The following HDLBP variants were observed in gnomAD, a reference collection of about 807,000 sequenced individuals.
HDLBP encodes high density lipoprotein binding protein.
In HDLBP, 30 loss-of-function variants were observed where a neutral mutation model predicts 137.3. The ratio of observed to expected loss-of-function variants is 0.22; its 90% CI spans 0.16 to 0.30. The LOEUF is 0.30. Ranked by LOEUF, HDLBP falls within the 10% of genes least tolerant of loss-of-function variation. The pLI is 1.00. For synonymous variants in HDLBP, 606 were observed against 596.0 expected, an observed-to-expected ratio of 1.02 and a Z score of -0.24; for missense variants, 1,119 against 1,667.3, an observed-to-expected ratio of 0.67 and a Z score of 5.73.
intron 9 of HDLBP, among the ~76,000 whole-genome samples, chr2:241,253,762 GCATGCGA>G (rs1158038666): frequency 3.9e-5 from 6 of 152,332 alleles, no homozygotes; most frequent in African/African-American, 7.2e-5. Context: ...CTAACATAAA[GCATGCGA>G]CATGCGACAT....
In HDLBP at chr2:241,235,010, A is replaced by G. The variant is rs565649938; in HGVS notation, c.3144+111T>C. 6 of 1,357,618 alleles carry G rather than the reference A, an allele frequency of 4.4e-6. No homozygotes were observed. In the South Asian group the frequency reaches 6.7e-5, roughly 15 times the overall value. The allele number at this position is 1,357,618 out of a possible 1,614,324, so 84.1% of individuals were successfully genotyped here. On this transcript the variant is annotated intron_variant, in intron 23 of 27. Transcript: ENST00000310931. Reference sequence around the variant, plus strand: ...CTGGCACTGCCTGCATCTCACCTCCAGCCAGATGTCGCTGGGATGCTGGGA... The same window carrying G: ...CTGGCACTGCCTGCATCTCACCTCCGGCCAGATGTCGCTGGGATGCTGGGA...
chr2:241,266,689 AC>A, intron 3 of HDLBP, 104 bp downstream of exon 3: 1 of 806,470 alleles, frequency 1.2e-6, no homozygotes, highest in Non-Finnish European at 2.1e-6. Context: ...CCCCACAACC[AC>A]AGGGCCAAAA....
chr2:241,287,500 A>C (rs2074863582), intron 1 of HDLBP, among the ~76,000 whole-genome samples: 1 of 150,152 alleles, frequency 6.7e-6, no homozygotes, highest in African/African-American at 2.5e-5. Flanking sequence ...AGCTCACTGC[A>C]ACCTCTGCCT....
chr2:241,299,641 C>T (rs561499756), intron 1 of HDLBP, among the ~76,000 whole-genome samples: 37 of 151,854 alleles, frequency 2.4e-4, no homozygotes, highest in African/African-American at 5.6e-4. Flanking sequence ...TTGGGCGGGG[C>T]GCGGTGGCTC....
At chr2:241,236,083 CCTG>C in intron 21 of HDLBP, 1 of 190,394 alleles carries the variant, frequency 5.3e-6, no homozygotes, top group South Asian at 1.2e-4. Flanking sequence ...ACCTCCAGAA[CCTG>C]CTTTCTTGCC....
intron 22 of HDLBP, 30 bp from the exon 23 acceptor site, chr2:241,235,285 C>A: frequency 6.2e-7 from 1 of 1,613,980 alleles, no homozygotes. Context: ...ACTTGACGTT[C>A]AGGACCCCAG....
At chr2:241,232,236 T>C (rs1225981141) in intron 24 of HDLBP, among the ~76,000 whole-genome samples, 3 of 151,592 alleles carry the variant, frequency 2.0e-5, no homozygotes, top group Non-Finnish European at 4.4e-5. Flanking sequence ...ACTTGGCTCA[T>C]GGTGTATTAG....
At position 241,228,155 on chromosome 2, in the gene HDLBP, G is replaced by A. The variant is rs2069309440; in HGVS notation, c.*1446C>T. On this transcript the variant is annotated 3_prime_UTR_variant, in exon 28 of 28. Coordinates refer to ENST00000310931, the MANE Select transcript of HDLBP (RefSeq NM_005336.6). ...GCGACTGTCCCCAGGGAAGGGCTGT[G>A]AGATGGATGGGCGTGAGTCAGCTTT... The A allele has an allele frequency of 6.6e-6, 1 of 152,320 alleles. No homozygotes were observed. The highest frequency in any genetic ancestry group is 1.5e-5 in the Non-Finnish European group (1 of 68,088). 9.4% of individuals were successfully genotyped at this position (152,320 alleles called of 1,614,324 possible). A position where few individuals can be genotyped will look rare whatever the true frequency, so the allele number is the denominator to read the frequency against.
intron 9 of HDLBP, 48 bp downstream of exon 9, chr2:241,254,999 AAGAC>A (rs1227098864): frequency 1.5e-6 from 2 of 1,357,566 alleles, no homozygotes; most frequent in Admixed American, 3.4e-5. Flanking sequence ...CAGAAACAGA[AAGAC>A]AGAAAACAAG....
chr2:241,274,361 C>T (rs755504380), intron 1 of HDLBP, among the ~76,000 whole-genome samples: 1 of 152,208 alleles, frequency 6.6e-6, no homozygotes, highest in Non-Finnish European at 1.5e-5. Flanking sequence ...GTCAGCAGCA[C>T]GGAACTGGGC....
chr2:241,312,992 G>A (rs745527772), intron 1 of HDLBP, among the ~76,000 whole-genome samples: 2 of 152,136 alleles, frequency 1.3e-5, no homozygotes, highest in Admixed American at 6.5e-5. Context: ...TTCTAAACCT[G>A]TTGCTCACGT....
At chr2:241,280,541 C>T (rs2074556805) in intron 1 of HDLBP, among the ~76,000 whole-genome samples, 1 of 152,176 alleles carries the variant, frequency 6.6e-6, no homozygotes, top group African/African-American at 2.4e-5. Context: ...AGTATATTCT[C>T]CAGTGACACT....
intron 2 of HDLBP, 41 bp from the exon 3 acceptor site, chr2:241,266,947 C>T (rs771062331): frequency 6.0e-5 from 82 of 1,377,668 alleles, no homozygotes; most frequent in Middle Eastern, 3.5e-4. Context: ...AAGTACAACC[C>T]TCAATTATCT....
rs1299681951 is a variant in HDLBP at position 241,240,828 on chromosome 2, G to A, written c.2170-706C>T. 6.6e-6 allele frequency among the ~76,000 whole-genome samples: 1 copy of A among 152,152 alleles called. No individual in the cohort carries two copies. The highest frequency in any genetic ancestry group is 1.5e-5 in the Non-Finnish European group (1 of 68,014). ...GTGCTTCTGGCAGACCCACGCAGGG[G>A]CCCCGAGAAGGGCGCTGCTCCACGG... is the stretch of plus-strand genomic sequence containing the variant. On this transcript the variant is annotated intron_variant, in intron 17 of 27. Transcript: ENST00000310931. The surrounding 1 kb of genome is among the most constrained non-coding windows in gnomAD (Gnocchi z 5.5).
intron 12 of HDLBP, chr2:241,249,229 AC>A (rs2071919842): frequency 2.2e-6 from 1 of 446,450 alleles, no homozygotes; most frequent in Non-Finnish European, 4.7e-6. Context: ...TAAGCGAATG[AC>A]AGGGAACCCT....
At chr2:241,312,406 C>T (rs1410198972) in intron 1 of HDLBP, among the ~76,000 whole-genome samples, 1 of 152,142 alleles carries the variant, frequency 6.6e-6, no homozygotes, top group East Asian at 1.9e-4. Context: ...TAACATGTAA[C>T]CAAGTTTTAA....
At position 241,229,328 on chromosome 2, in the gene HDLBP, G is replaced by A. The variant is rs529747064; in HGVS notation, c.*273C>T. 22 of 370,874 alleles carry A rather than the reference G, an allele frequency of 5.9e-5. No individual in the cohort carries two copies. Among genetic ancestry groups the A allele is most frequent in the African/African-American group, 2.3e-4 (11 of 47,692 alleles). The allele number at this position is 370,874 out of a possible 1,614,324, so 23.0% of individuals were successfully genotyped here. A position where few individuals can be genotyped will look rare whatever the true frequency, so the allele number is the denominator to read the frequency against. On this transcript the variant is annotated 3_prime_UTR_variant, in exon 28 of 28. Transcript: ENST00000310931. ...AGGCCAGAGTGCTGACTGACATGCC[G>A]GGTGGACCAGGAGCTGGAGTCTGTT...
At chr2:241,258,323 G>A (rs1402782843) in intron 5 of HDLBP, among the ~76,000 whole-genome samples, 4 of 146,248 alleles carry the variant, frequency 2.7e-5, no homozygotes, top group African/African-American at 1.0e-4. Context: ...CTCCAGCCTG[G>A]GCGACAGAGC....
intron 1 of HDLBP, among the ~76,000 whole-genome samples, chr2:241,292,049 C>T (rs1400708614): frequency 6.6e-6 from 1 of 152,148 alleles, no homozygotes; most frequent in Admixed American, 6.5e-5. Flanking sequence ...AGCAAATGGC[C>T]GTTAAACCCA....
Sources: allele counts gnomAD v4.1 joint callset (sites outside exome capture counted in the v4.1 genomes callset), GRCh38; gene constraint gnomAD v4.1.1; non-coding constraint Gnocchi (gnomAD v3.1); transcripts MANE v1.5; gene names NCBI Gene and HGNC (gene_info 2026-07-23, HGNC 2026-07-21).